ARK2C: variants seen among roughly 807,000 people sequenced by gnomAD.
The protein encoded by ARK2C is E3 ubiquitin-protein ligase ARK2C.
chr18:46,452,980 T>A, the ARK2C span, among the ~76,000 whole-genome samples: 1 of 152,176 alleles, frequency 6.6e-6, no homozygotes, highest in Admixed American at 6.5e-5. Context: ...CTCAACGGGA[T>A]GATGCACTTG....
At chr18:46,398,885 C>G in the ARK2C span, among the ~76,000 whole-genome samples, 18 of 151,952 alleles carry the variant, frequency 1.2e-4, no homozygotes, top group African/African-American at 4.4e-4. Context: ...TCGACAACAT[C>G]TAGTCATCGT....
the ARK2C span, among the ~76,000 whole-genome samples, chr18:46,449,426 A>G: frequency 6.6e-6 from 1 of 152,168 alleles, no homozygotes; most frequent in African/African-American, 2.4e-5. Flanking sequence ...GGCCCTTTAA[A>G]TTTTGTGCCC....
At chr18:46,460,225 A>G in the ARK2C span, 1 of 152,578 alleles carries the variant, frequency 6.6e-6, no homozygotes, top group Non-Finnish European at 1.5e-5. Flanking sequence ...TTTTTTTCCT[A>G]AAGAAATCCC....
chr18:46,437,946 G>A, the ARK2C span, among the ~76,000 whole-genome samples: 1 of 152,208 alleles, frequency 6.6e-6, no homozygotes, highest in Non-Finnish European at 1.5e-5. Flanking sequence ...GGGCAACCTT[G>A]CCTCAGCAAA....
the ARK2C span, among the ~76,000 whole-genome samples, chr18:46,355,372 G>T: frequency 6.6e-6 from 1 of 152,114 alleles, no homozygotes; most frequent in Non-Finnish European, 1.5e-5. Context: ...CTCTCTCAGG[G>T]CCTCGGGCTC....
At chr18:46,401,575 G>A in the ARK2C span, among the ~76,000 whole-genome samples, 7 of 152,244 alleles carry the variant, frequency 4.6e-5, no homozygotes, top group East Asian at 1.9e-4. Flanking sequence ...ACTGCACCTG[G>A]GTCACAGAGC....
chr18:46,416,563 C>G, the ARK2C span, among the ~76,000 whole-genome samples: 1 of 152,208 alleles, frequency 6.6e-6, no homozygotes, highest in Non-Finnish European at 1.5e-5. Context: ...TATCAGTTAG[C>G]TTTTTCTGTA....
At chr18:46,445,902 CTT>C in the ARK2C span, among the ~76,000 whole-genome samples, 61 of 148,992 alleles carry the variant, frequency 4.1e-4, no homozygotes, top group Middle Eastern at 3.4e-3. Context: ...TCTCCATATC[CTT>C]TTTTTTTTTT....
chr18:46,392,644 A>C, the ARK2C span, among the ~76,000 whole-genome samples: 1 of 152,126 alleles, frequency 6.6e-6, no homozygotes, highest in South Asian at 2.1e-4. Context: ...GAGTGAGGCC[A>C]AGGCTGGGGG....
At chr18:46,349,584 G>A in the ARK2C span, among the ~76,000 whole-genome samples, 11 of 152,294 alleles carry the variant, frequency 7.2e-5, no homozygotes, top group East Asian at 2.1e-3. Context: ...ATTCCCAGTG[G>A]CATTTTTGCT....
At chr18:46,417,339 ACCAGTGAGGT>A in the ARK2C span, among the ~76,000 whole-genome samples, 2 of 152,324 alleles carry the variant, frequency 1.3e-5, no homozygotes, top group East Asian at 3.9e-4. Flanking sequence ...TCCTGTAATG[ACCAGTGAGGT>A]CCTGCACCAT....
At chr18:46,346,952 C>A in the ARK2C span, among the ~76,000 whole-genome samples, 1 of 152,220 alleles carries the variant, frequency 6.6e-6, no homozygotes, top group Non-Finnish European at 1.5e-5. Context: ...ACTGGGGAGA[C>A]CCCCGAACAC....
At chr18:46,426,746 T>C in the ARK2C span, among the ~76,000 whole-genome samples, 1 of 152,268 alleles carries the variant, frequency 6.6e-6, no homozygotes, top group African/African-American at 2.4e-5. Context: ...TCTTTCTCCC[T>C]ACTCCCTAAA....
the ARK2C span, among the ~76,000 whole-genome samples, chr18:46,342,902 G>T: frequency 1.3e-5 from 2 of 152,162 alleles, no homozygotes; most frequent in African/African-American, 4.8e-5. Flanking sequence ...GTTTTTTGGG[G>T]GGGAGTGGAG....
chr18:46,452,002 G>A, the ARK2C span, among the ~76,000 whole-genome samples: 7 of 152,176 alleles, frequency 4.6e-5, no homozygotes, highest in Non-Finnish European at 8.8e-5. Context: ...GGGAGGGAGG[G>A]AGGAATGAAT....
the ARK2C span, among the ~76,000 whole-genome samples, chr18:46,374,002 A>T: frequency 6.6e-6 from 1 of 152,024 alleles, no homozygotes; most frequent in Non-Finnish European, 1.5e-5. Context: ...CAGGCCCCTC[A>T]TGTTTCTAAT....
the ARK2C span, among the ~76,000 whole-genome samples, chr18:46,426,014 G>A: frequency 1.3e-5 from 2 of 152,150 alleles, no homozygotes; most frequent in South Asian, 2.1e-4. Flanking sequence ...CTTTTATAAG[G>A]GCAATAATCC....
chr18:46,369,650 GC>G, the ARK2C span, among the ~76,000 whole-genome samples: 1 of 152,150 alleles, frequency 6.6e-6, no homozygotes, highest in African/African-American at 2.4e-5. Flanking sequence ...GGAGGTGGGG[GC>G]ACTTTTCTAG....
chr18:46,443,110 G>A, the ARK2C span, among the ~76,000 whole-genome samples: 1 of 152,180 alleles, frequency 6.6e-6, no homozygotes. Flanking sequence ...GGGGTGTCTA[G>A]ACCATTTGCA....
Sources: allele counts gnomAD v4.1 joint callset (sites outside exome capture counted in the v4.1 genomes callset), GRCh38; gene constraint gnomAD v4.1.1; transcripts MANE v1.5; gene names NCBI Gene and HGNC (gene_info 2026-07-23, HGNC 2026-07-21).